DGKB: variants seen among roughly 807,000 people sequenced by gnomAD.
DGKB encodes the protein 90 kDa diacylglycerol kinase.
DGKB carries 67 observed loss-of-function variants against 114.3 expected under a neutral mutation model. The ratio of observed to expected loss-of-function variants is 0.59; its 90% CI spans 0.48 to 0.72. The LOEUF is 0.72. Ranked by LOEUF, DGKB falls within the 30% of genes least tolerant of loss-of-function variation. The pLI, the probability that DGKB is intolerant of heterozygous loss-of-function variation, is 0.00. For synonymous variants in DGKB, 398 were observed against 323.1 expected (o/e 1.23, Z -2.49); for missense variants, 907 against 975.2 (o/e 0.93, Z 0.93).
chr7:14,941,465 A>T (rs997551393), intron 1 of DGKB, among the ~76,000 whole-genome samples: 2 of 152,120 alleles, frequency 1.3e-5, no homozygotes, highest in African/African-American at 4.8e-5. Context: ...TGTTATCCTG[A>T]GGTCCATGGA....
intron 2 of DGKB, among the ~76,000 whole-genome samples, chr7:14,770,539 A>G (rs1837260598): frequency 6.6e-6 from 1 of 152,158 alleles, no homozygotes. Flanking sequence ...GTCAAAGCTC[A>G]TGAGAGAAGT....
intron 13 of DGKB, among the ~76,000 whole-genome samples, chr7:14,644,839 T>C (rs964045885): frequency 1.3e-5 from 2 of 152,168 alleles, no homozygotes; most frequent in African/African-American, 2.4e-5. Context: ...GACATCCAGA[T>C]ACAGGACACT....
At chr7:14,601,309 T>G (rs374568982) in intron 17 of DGKB, among the ~76,000 whole-genome samples, 1 of 152,130 alleles carries the variant, frequency 6.6e-6, no homozygotes, top group Admixed American at 6.5e-5. Context: ...CTCTTTGAAG[T>G]CTTTCTGTCC....
chr7:14,438,777 T>G (rs1275949036), intron 21 of DGKB, among the ~76,000 whole-genome samples: 5 of 152,132 alleles, frequency 3.3e-5, no homozygotes, highest in Non-Finnish European at 7.4e-5. Flanking sequence ...CAACAATACA[T>G]TTCTAAAAGA....
intron 1 of DGKB, among the ~76,000 whole-genome samples, chr7:14,925,165 A>G (rs1345843946): frequency 6.6e-6 from 1 of 152,208 alleles, no homozygotes; most frequent in Non-Finnish European, 1.5e-5. Flanking sequence ...CTGTTCAACT[A>G]TTCGTCCACT....
chr7:14,440,595 A>T (rs1829947739), intron 21 of DGKB, among the ~76,000 whole-genome samples: 1 of 152,168 alleles, frequency 6.6e-6, no homozygotes, highest in Non-Finnish European at 1.5e-5. Flanking sequence ...GTCACTGCTG[A>T]CTGATATTCT....
At chr7:14,258,339 T>G (rs1232186748) in intron 23 of DGKB, among the ~76,000 whole-genome samples, 2 of 152,206 alleles carry the variant, frequency 1.3e-5, no homozygotes, top group East Asian at 3.8e-4. Flanking sequence ...ATAGATTAGT[T>G]TTGTTTGTAC....
At chr7:14,855,514 C>G (rs1039575295) in intron 1 of DGKB, among the ~76,000 whole-genome samples, 1 of 152,114 alleles carries the variant, frequency 6.6e-6, no homozygotes, top group African/African-American at 2.4e-5. Context: ...AATAAGCACA[C>G]GTGCATTCAC....
Position 14,937,655 on chromosome 7 carries a change from T to A in DGKB, c.-188+37041A>T, listed in dbSNP as rs147607475. 2.1e-3 allele frequency among the ~76,000 whole-genome samples: 317 copies of A among 152,254 alleles called. 1 individual carries two copies. The highest frequency in any genetic ancestry group is 3.7e-3 in the Non-Finnish European group (252 of 68,002). Reference sequence around the variant, plus strand: ...CTACTGTTTTTGTGGTTTCTCCCTCTTCCCTGCTCTAATATACAGCTGGCC... The same window carrying A: ...CTACTGTTTTTGTGGTTTCTCCCTCATCCCTGCTCTAATATACAGCTGGCC... On this transcript the variant is annotated intron_variant, in intron 1 of 4. Transcript: ENST00000437998.
At chr7:14,244,031 G>C (rs1794050329) in intron 23 of DGKB, among the ~76,000 whole-genome samples, 1 of 144,060 alleles carries the variant, frequency 6.9e-6, no homozygotes, top group African/African-American at 2.5e-5. Flanking sequence ...TTCTGAGAGA[G>C]AGAGACAGAG....
At chr7:14,921,607 T>A (rs1784511326) in intron 1 of DGKB, among the ~76,000 whole-genome samples, 1 of 152,164 alleles carries the variant, frequency 6.6e-6, no homozygotes, top group Non-Finnish European at 1.5e-5. Context: ...GCTAGTGACA[T>A]AAAATATGTA....
At chr7:14,526,824 GAC>G (rs1790720195) in intron 20 of DGKB, among the ~76,000 whole-genome samples, 1 of 151,830 alleles carries the variant, frequency 6.6e-6, no homozygotes, top group South Asian at 2.1e-4. Flanking sequence ...GCCACACACA[GAC>G]ACACACACAT....
intron 1 of DGKB, among the ~76,000 whole-genome samples, chr7:14,853,249 A>G (rs571490279): frequency 6.6e-6 from 1 of 152,284 alleles, no homozygotes; most frequent in South Asian, 2.1e-4. Context: ...AATGGACTCA[A>G]TTTACACAGC....
chr7:14,201,652 G>A (rs1051424874), intron 23 of DGKB, among the ~76,000 whole-genome samples: 4 of 151,934 alleles, frequency 2.6e-5, no homozygotes, highest in Non-Finnish European at 5.9e-5. Context: ...AGGAAAGTAG[G>A]AAACATGGTA....
At chr7:14,937,024 C>G (rs1023476387) in intron 1 of DGKB, among the ~76,000 whole-genome samples, 1 of 104,422 alleles carries the variant, frequency 9.6e-6, no homozygotes, top group African/African-American at 3.9e-5. Flanking sequence ...TGTCCATTCA[C>G]TACACACACA....
intron 2 of DGKB, among the ~76,000 whole-genome samples, chr7:14,803,865 A>G (rs1285861422): frequency 6.6e-6 from 1 of 152,124 alleles, no homozygotes; most frequent in East Asian, 1.9e-4. Context: ...AGTCTAACGT[A>G]GCTCAATATC....
intron 1 of DGKB, among the ~76,000 whole-genome samples, chr7:14,967,275 C>G (rs1787208426): frequency 6.6e-6 from 1 of 151,982 alleles, no homozygotes; most frequent in Admixed American, 6.6e-5. Context: ...TCATTCACAG[C>G]ACATCCTAAA....
chr7:14,929,756 T>C (rs1344804188), intron 1 of DGKB, among the ~76,000 whole-genome samples: 3 of 152,160 alleles, frequency 2.0e-5, no homozygotes, highest in Admixed American at 1.3e-4. Context: ...TTTGTTGTTG[T>C]TGCCTATAAT....
At chr7:14,497,860 A>C (rs781615589) in intron 20 of DGKB, among the ~76,000 whole-genome samples, 1 of 151,890 alleles carries the variant, frequency 6.6e-6, no homozygotes, top group African/African-American at 2.4e-5. Flanking sequence ...TATTTCCACA[A>C]TACCCACTGA....
Sources: allele counts gnomAD v4.1 joint callset (sites outside exome capture counted in the v4.1 genomes callset), GRCh38; gene constraint gnomAD v4.1.1; transcripts MANE v1.5; gene names NCBI Gene and HGNC (gene_info 2026-07-23, HGNC 2026-07-21).